The following LRFN2 variants were observed in gnomAD, a reference collection of about 807,000 sequenced individuals.
LRFN2 encodes the protein leucine rich repeat and fibronectin type III domain containing 2.
A neutral mutation model predicts 37.3 loss-of-function variants in LRFN2; 18 were observed. The observed-to-expected ratio is 0.48, with a 90% CI of 0.33 to 0.72. The LOEUF (loss-of-function observed/expected upper bound fraction) is 0.72, where lower values mean the gene tolerates loss of function less well. Among genes scored for constraint, LRFN2 ranks in the 30% least tolerant of loss-of-function variants. The pLI, the probability that LRFN2 is intolerant of heterozygous loss-of-function variation, is 0.02. For missense variants in LRFN2, 1,006 were observed against 1,060.7 expected, an observed-to-expected ratio of 0.95 and a Z score of 0.72; for synonymous variants, 556 against 466.6, an observed-to-expected ratio of 1.19 and a Z score of -2.47.
chr6:40,496,335 G>T (rs1225743252), intron 1 of LRFN2, among the ~76,000 whole-genome samples: 1 of 152,096 alleles, frequency 6.6e-6, no homozygotes, highest in Non-Finnish European at 1.5e-5. Flanking sequence ...ATCTAAACCG[G>T]AATCAGGTCA....
intron 1 of LRFN2, among the ~76,000 whole-genome samples, chr6:40,539,802 G>T (rs954113941): frequency 1.3e-5 from 2 of 152,172 alleles, no homozygotes; most frequent in African/African-American, 4.8e-5. Context: ...GGTGTGGGAG[G>T]TTGCGGTCTT....
At chr6:40,563,031 G>A (rs968306393) in intron 1 of LRFN2, among the ~76,000 whole-genome samples, 5 of 152,080 alleles carry the variant, frequency 3.3e-5, no homozygotes, top group Non-Finnish European at 5.9e-5. Context: ...TGAGAGCTAT[G>A]TTCAAGATTT....
At chr6:40,496,785 C>T (rs1217650073) in intron 1 of LRFN2, among the ~76,000 whole-genome samples, 1 of 152,082 alleles carries the variant, frequency 6.6e-6, no homozygotes, top group Non-Finnish European at 1.5e-5. Context: ...ATATGAGACC[C>T]TTTGGGGCAA....
intron 1 of LRFN2, among the ~76,000 whole-genome samples, chr6:40,551,246 G>A (rs1766773469): frequency 6.6e-6 from 1 of 152,170 alleles, no homozygotes; most frequent in South Asian, 2.1e-4. Context: ...CACTATTCTG[G>A]GCAATGGCAG....
intron 1 of LRFN2, among the ~76,000 whole-genome samples, chr6:40,478,657 G>A (rs1408486306): frequency 6.6e-6 from 1 of 152,222 alleles, no homozygotes; most frequent in African/African-American, 2.4e-5. Context: ...GGGTTGGTCA[G>A]TAGCTGAGCC....
At chr6:40,540,570 G>A (rs1043887536) in intron 1 of LRFN2, among the ~76,000 whole-genome samples, 1 of 152,180 alleles carries the variant, frequency 6.6e-6, no homozygotes, top group Non-Finnish European at 1.5e-5. Flanking sequence ...GATCTGCTGT[G>A]ACTGGCAGCA....
In LRFN2 at chr6:40,401,269, A is replaced by G. The variant is rs531947652; in HGVS notation, c.1401-8357T>C. On this transcript the variant is annotated intron_variant, in intron 2 of 2. Transcript: ENST00000338305. Reference sequence around the variant, plus strand: ...GGCTACACTCTCCAGGCTCCCTTGCAGCTAGTGTGCCCATGTGACCCTTTC... The same window carrying G: ...GGCTACACTCTCCAGGCTCCCTTGCGGCTAGTGTGCCCATGTGACCCTTTC... Among the ~76,000 whole-genome samples, 17 of 152,194 alleles carry G rather than the reference A, an allele frequency of 1.1e-4. No individual in the cohort carries two copies. The South Asian group carries it at 3.5e-3, about 32-fold the overall frequency.
intron 1 of LRFN2, among the ~76,000 whole-genome samples, chr6:40,566,999 G>C (rs1186270125): frequency 6.6e-6 from 1 of 152,140 alleles, no homozygotes; most frequent in Non-Finnish European, 1.5e-5. Context: ...AGTAGGAAGG[G>C]GAAGGCCCAT....
At chr6:40,451,532 GC>G (rs1372945424) in intron 1 of LRFN2, among the ~76,000 whole-genome samples, 1 of 152,178 alleles carries the variant, frequency 6.6e-6, no homozygotes, top group Non-Finnish European at 1.5e-5. Context: ...CTTACATCTG[GC>G]CCCATGGTGA....
intron 1 of LRFN2, among the ~76,000 whole-genome samples, chr6:40,500,516 A>C (rs1765351810): frequency 6.6e-6 from 1 of 152,236 alleles, no homozygotes; most frequent in Non-Finnish European, 1.5e-5. Flanking sequence ...CCTTCCTTAA[A>C]GATTCTGGAG....
rs547181668 is a variant in LRFN2 at position 40,529,259 on chromosome 6, C to T, written c.-19+57682G>A. ...AAAGGACCCCAGGACCTTTGCATAACCCTGGACTGAATGGGAAGGGAAAGT... is the reference window on the plus strand; with the variant it reads ...AAAGGACCCCAGGACCTTTGCATAATCCTGGACTGAATGGGAAGGGAAAGT... On this transcript the variant is annotated intron_variant, in intron 1 of 2. Transcript: ENST00000338305. Among the ~76,000 whole-genome samples, 5 of 152,246 alleles carry T rather than the reference C, an allele frequency of 3.3e-5. No individual in the cohort carries two copies. The South Asian group carries it at 8.3e-4, about 25-fold the overall frequency.
chr6:40,504,822 T>C lies in LRFN2; in HGVS notation c.-18-71691A>G, dbSNP rs575468289. Among the ~76,000 whole-genome samples the C allele has an allele frequency of 2.8e-4, 42 of 152,296 alleles. 1 individual carries two copies. Among genetic ancestry groups the C allele is most frequent in the Admixed American group, 1.9e-3 (29 of 15,304 alleles). ...GATATTATAGTAGCTTGGTTTCACA[T>C]GTGTGTGCGAGTTACAATGACCAAA... On this transcript the variant is annotated intron_variant, in intron 1 of 2. Coordinates refer to ENST00000338305, the MANE Select transcript of LRFN2 (RefSeq NM_020737.3).
At position 40,513,220 on chromosome 6, in the gene LRFN2, G is replaced by A. The variant is rs113950483; in HGVS notation, c.-19+73721C>T. Among the ~76,000 whole-genome samples, 910 of 151,226 alleles carry A rather than the reference G, an allele frequency of 6.0e-3. 3 individuals carry two copies. Among genetic ancestry groups the A allele is most frequent in the African/African-American group, 0.021 (857 of 40,798 alleles). On this transcript the variant is annotated intron_variant, in intron 1 of 2. Coordinates refer to ENST00000338305, the MANE Select transcript of LRFN2 (RefSeq NM_020737.3). ...CAATTGAAGGAGCAGTTAACAATAC[G>A]CCCTCATTTAACAATTTTTTTTTTT...
At chr6:40,420,055 C>A (rs199607497) in intron 2 of LRFN2, among the ~76,000 whole-genome samples, 1 of 152,200 alleles carries the variant, frequency 6.6e-6, no homozygotes, top group African/African-American at 2.4e-5. Flanking sequence ...GGAGTTCATT[C>A]GCATATCTGG....
In LRFN2 at chr6:40,445,699, C is replaced by G. The variant is rs1291781448; in HGVS notation, c.-18-12568G>C. Among the ~76,000 whole-genome samples the G allele has an allele frequency of 1.1e-4, 16 of 152,348 alleles. No homozygotes were observed. The East Asian group carries it at 3.1e-3, about 29-fold the overall frequency. On this transcript the variant is annotated intron_variant, in intron 1 of 2. Transcript: ENST00000338305. ...GAGAAGTGCTGGCTTAAGAAATTGA[C>G]TTACTGGCAAGGTGGCTAGTGGTAG...
At chr6:40,397,834 G>A (rs1386554244) in intron 2 of LRFN2, among the ~76,000 whole-genome samples, 1 of 147,300 alleles carries the variant, frequency 6.8e-6, no homozygotes, top group Admixed American at 6.7e-5. Context: ...AAGCATGTAG[G>A]CCAGTGCTGC....
intron 1 of LRFN2, among the ~76,000 whole-genome samples, chr6:40,536,676 G>T (rs1766454754): frequency 6.6e-6 from 1 of 152,096 alleles, no homozygotes; most frequent in African/African-American, 2.4e-5. Context: ...TGCCTGCAGG[G>T]ACTCCATGCA....
chr6:40,507,176 G>A (rs144337931), intron 1 of LRFN2, among the ~76,000 whole-genome samples: 20 of 152,286 alleles, frequency 1.3e-4, no homozygotes, highest in Non-Finnish European at 2.1e-4. Flanking sequence ...CTACTAGACC[G>A]TAAGAGCCTT....
chr6:40,473,726 C>A (rs937160461), intron 1 of LRFN2, among the ~76,000 whole-genome samples: 1 of 152,074 alleles, frequency 6.6e-6, no homozygotes, highest in Non-Finnish European at 1.5e-5. Flanking sequence ...TAATGCTCTC[C>A]CTCCCCTTGC....
Sources: gnomAD v4.1 joint callset for allele counts (sites outside exome capture counted in the v4.1 genomes callset) on GRCh38, gnomAD v4.1.1 for gene constraint, MANE v1.5 for transcripts, NCBI Gene and HGNC (gene_info 2026-07-23, HGNC 2026-07-21) for gene names.